CTNND2: variants seen among roughly 807,000 people sequenced by gnomAD.
CTNND2 encodes catenin delta-2.
CTNND2 carries 22 observed loss-of-function variants against 144.4 expected under a neutral mutation model. The ratio of observed to expected loss-of-function variants is 0.15; its 90% CI spans 0.11 to 0.22. The LOEUF (loss-of-function observed/expected upper bound fraction) is 0.22. Ranked by LOEUF, CTNND2 falls within the 10% of genes least tolerant of loss-of-function variation. CTNND2 has a pLI of 1.00. For synonymous variants in CTNND2, 751 were observed against 695.6 expected (o/e 1.08, Z -1.25); for missense variants, 1,353 against 1,618.8 (o/e 0.84, Z 2.82).
chr5:11,889,576 C>T (rs965606504), intron 1 of CTNND2, among the ~76,000 whole-genome samples: 2 of 152,164 alleles, frequency 1.3e-5, no homozygotes, highest in African/African-American at 4.8e-5. Context: ...ACATAATTCA[C>T]TAAAGGCACA....
chr5:11,269,552 A>G (rs999237984), intron 9 of CTNND2, among the ~76,000 whole-genome samples: 1 of 152,198 alleles, frequency 6.6e-6, no homozygotes, highest in African/African-American at 2.4e-5. Context: ...TATTTAACTC[A>G]TTGTACTGTA....
In CTNND2 at chr5:11,022,837, G is replaced by A. The variant is rs770835265; in HGVS notation, c.2931C>T (p.Asn977=). Residue 977 remains asparagine (N), a synonymous_variant, in exon 17 of 22, where the codon AAC becomes AAT. Transcript: ENST00000304623. The part of the protein sequence containing the change: ...LHEVITKNME[N]AKALRDAGGI... ...CACCGGCATCCCGTAAGGCCTTGGC[G>A]TTCTCCATGTTCTTGGTAATCACTT... The A allele has an allele frequency of 4.8e-5, 77 of 1,614,216 alleles. 1 individual carries two copies. The highest frequency in any genetic ancestry group is 4.5e-4 in the South Asian group (41 of 91,080).
At chr5:11,557,850 T>G (rs544712934) in intron 3 of CTNND2, among the ~76,000 whole-genome samples, 1 of 152,156 alleles carries the variant, frequency 6.6e-6, no homozygotes, top group Non-Finnish European at 1.5e-5. Context: ...CTTGGAACCA[T>G]GCTGGGAATG....
At chr5:11,475,297 T>G (rs1046859876) in intron 3 of CTNND2, among the ~76,000 whole-genome samples, 2 of 152,226 alleles carry the variant, frequency 1.3e-5, no homozygotes, top group Non-Finnish European at 2.9e-5. Context: ...AGGAATTTAA[T>G]TCAGGATTTT....
intron 3 of CTNND2, among the ~76,000 whole-genome samples, chr5:11,542,880 G>A (rs1386266017): frequency 6.6e-6 from 1 of 152,206 alleles, no homozygotes; most frequent in Non-Finnish European, 1.5e-5. Context: ...GGTCAGGATG[G>A]GGAGTGCACA....
At chr5:11,491,627 GT>G in intron 3 of CTNND2, among the ~76,000 whole-genome samples, 1 of 152,306 alleles carries the variant, frequency 6.6e-6, no homozygotes, top group South Asian at 2.1e-4. Flanking sequence ...AGAGCAGAAT[GT>G]CAAATTCTAC....
At chr5:11,130,286 G>A (rs1755454292) in intron 12 of CTNND2, among the ~76,000 whole-genome samples, 1 of 151,992 alleles carries the variant, frequency 6.6e-6, no homozygotes, top group Admixed American at 6.6e-5. Flanking sequence ...ATAAACGTAA[G>A]CCATCAGAAA....
At chr5:11,605,614 C>A (rs939890980) in intron 2 of CTNND2, among the ~76,000 whole-genome samples, 3 of 152,024 alleles carry the variant, frequency 2.0e-5, no homozygotes, top group South Asian at 2.1e-4. Flanking sequence ...TTTAATGTGA[C>A]CCTATCTAGA....
intron 1 of CTNND2, among the ~76,000 whole-genome samples, chr5:11,803,235 G>A (rs1264860538): frequency 1.2e-4 from 18 of 152,126 alleles, no homozygotes; most frequent in South Asian, 4.1e-4. Context: ...CAGGAGAATC[G>A]CTTTAACCAG....
At chr5:11,779,173 G>T (rs1790411956) in intron 1 of CTNND2, among the ~76,000 whole-genome samples, 1 of 152,130 alleles carries the variant, frequency 6.6e-6, no homozygotes, top group Non-Finnish European at 1.5e-5. Context: ...AGGAAAATCA[G>T]AAGACCCTGA....
intron 15 of CTNND2, among the ~76,000 whole-genome samples, chr5:11,089,481 G>A (rs374769993): frequency 3.6e-4 from 55 of 152,288 alleles, no homozygotes; most frequent in African/African-American, 1.1e-3. Context: ...GGAAGAGACC[G>A]AGTCATATTC....
chr5:11,026,434 T>C (rs1403974726), intron 16 of CTNND2, among the ~76,000 whole-genome samples: 1 of 148,130 alleles, frequency 6.8e-6, no homozygotes, highest in Non-Finnish European at 1.5e-5. Flanking sequence ...CTCATCTCAA[T>C]GCAACCTCCA....
intron 3 of CTNND2, among the ~76,000 whole-genome samples, chr5:11,530,548 A>AG (rs1773662502): frequency 6.6e-6 from 1 of 152,182 alleles, no homozygotes; most frequent in African/African-American, 2.4e-5. Context: ...CCAGTCTTCA[A>AG]GTCAGTTCAG....
At chr5:11,196,896 C>T (rs1736912330) in intron 11 of CTNND2, among the ~76,000 whole-genome samples, 1 of 152,204 alleles carries the variant, frequency 6.6e-6, no homozygotes, top group African/African-American at 2.4e-5. Context: ...AGGTGAATTC[C>T]TTTTGCCTCA....
chr5:11,808,813 A>C (rs1792151953), intron 1 of CTNND2, among the ~76,000 whole-genome samples: 1 of 152,234 alleles, frequency 6.6e-6, no homozygotes, highest in African/African-American at 2.4e-5. Context: ...AAAACAACAC[A>C]GTGATTAAAA....
chr5:11,004,074 A>C (rs1174799271), intron 18 of CTNND2, among the ~76,000 whole-genome samples: 1 of 152,256 alleles, frequency 6.6e-6, no homozygotes, highest in Admixed American at 6.5e-5. Context: ...TAGTAGAAGA[A>C]AGTATACCAT....
At chr5:11,053,358 A>T (rs1241091781) in intron 16 of CTNND2, among the ~76,000 whole-genome samples, 2 of 152,252 alleles carry the variant, frequency 1.3e-5, no homozygotes, top group Non-Finnish European at 2.9e-5. Context: ...AATAAAGCAA[A>T]GCATATTCAA....
At chr5:11,662,185 G>A (rs1418438285) in intron 2 of CTNND2, among the ~76,000 whole-genome samples, 6 of 123,084 alleles carry the variant, frequency 4.9e-5, no homozygotes, top group Admixed American at 1.6e-4. Context: ...ATACATATAT[G>A]TGTATATATG....
chr5:11,768,641 C>T (rs374610631), intron 1 of CTNND2, among the ~76,000 whole-genome samples: 10 of 152,258 alleles, frequency 6.6e-5, no homozygotes, highest in African/African-American at 2.2e-4. Context: ...TGCTGAAGTT[C>T]ACATAACCAA....
Sources: allele counts gnomAD v4.1 joint callset (sites outside exome capture counted in the v4.1 genomes callset), GRCh38; gene constraint gnomAD v4.1.1; transcripts MANE v1.5; gene names NCBI Gene and HGNC (gene_info 2026-07-23, HGNC 2026-07-21).